The following STPG3 variants were observed in gnomAD, a reference collection of about 807,000 sequenced individuals.
STPG3 encodes the protein protein STPG3.
STPG3 carries 39 observed loss-of-function variants against 32.5 expected under a neutral mutation model. The observed-to-expected ratio is 1.20, with a 90% confidence interval of 0.93 to 1.57. STPG3 has a LOEUF of 1.57. Ranked by LOEUF, STPG3 falls within the 40% of genes most tolerant of loss-of-function variation. The pLI is 0.00. For synonymous variants in STPG3, 209 were observed against 172.4 expected (o/e 1.21, Z -1.66); for missense variants, 507 against 407.6 (o/e 1.24, Z -2.10).
intron 4 of STPG3, 43 bp from the exon 5 acceptor site, chr9:137,252,619 G>A: frequency 6.6e-7 from 1 of 1,517,498 alleles, no homozygotes; most frequent in Non-Finnish European, 8.9e-7. Context: ...GAGGGTCCGT[G>A]GGGAGCACCC....
chr9:137,251,867 C>T lies in STPG3; in HGVS notation c.240C>T (p.Pro80=), dbSNP rs1837341667. The change falls in exon 2 of 6, where the codon CCC becomes CCT. Residue 80 remains proline (P), a synonymous_variant. Transcript: ENST00000412566. ...LQTGTPQESL[P]TYTQTLRELL... Reference sequence around the variant, plus strand: ...CGGGCACCCCCCAGGAGTCCCTGCCCACCTACACCCAGACCCTGAGGGAAC... The same window carrying T: ...CGGGCACCCCCCAGGAGTCCCTGCCTACCTACACCCAGACCCTGAGGGAAC... 5.6e-6 allele frequency: 9 copies of T among 1,608,498 alleles called. No individual in the cohort carries two copies. The South Asian group carries it at 8.9e-5, about 16-fold the overall frequency.
In STPG3 at chr9:137,252,664, G is replaced by GC; in HGVS notation, c.498dup (p.Ser167LeufsTer29). 4 of 1,543,346 alleles carry GC rather than the reference G, an allele frequency of 2.6e-6. No individual in the cohort carries two copies. The highest frequency in any genetic ancestry group is 3.5e-6 in the Non-Finnish European group (4 of 1,142,254). On this transcript the variant is annotated frameshift_variant, in exon 5 of 6. Transcript: ENST00000412566. LOFTEE classifies it high-confidence loss of function. ...GCCCGTCTCCTACCCCCTCGCAGTGGCCCTCGCCAGCCCACTACCAGCTGC... is the reference window on the plus strand; with the variant it reads ...GCCCGTCTCCTACCCCCTCGCAGTGGCCCCTCGCCAGCCCACTACCAGCTGC...
intron 1 of STPG3, 138 bp from the exon 2 acceptor site, chr9:137,251,600 G>C: frequency 8.6e-7 from 1 of 1,162,642 alleles, no homozygotes; most frequent in Non-Finnish European, 1.2e-6. Context: ...CAGGGGCTGA[G>C]GGACAGTGTG....
rs1166953318 is a variant in STPG3, at chr9:137,252,876, A to G, written c.707A>G (p.Asn236Ser). The change falls in exon 5 of 6, where the codon AAT becomes AGT. Residue 236 changes from asparagine (N) to serine (S), a missense_variant. By Grantham distance (46) the Asn-to-Ser change is conservative. Coordinates refer to ENST00000412566, the MANE Select transcript of STPG3 (RefSeq NM_001004353.4). ...AGATGCCCTGGCCCCAACACCTACA[A>G]TATCCTTCCTGGGAGCCGCCTGCAG... ...GKRCPGPNTY[N>S]ILPGSRLQSP... 1.3e-6 allele frequency: 2 copies of G among 1,590,474 alleles called. No homozygotes were observed. The highest frequency in any genetic ancestry group is 2.3e-5 in the East Asian group (1 of 43,628).
At chr9:137,252,403 C>A (rs1837384722) in intron 3 of STPG3, 34 bp from the exon 4 acceptor site, 1 of 1,595,054 alleles carries the variant, frequency 6.3e-7, no homozygotes, top group Non-Finnish European at 8.5e-7. Flanking sequence ...GGGTGGGGCT[C>A]CCAGCCTTCT....
rs746026172 is a variant in STPG3, at chr9:137,251,444, A to G, written c.110+48A>G. ...AGGGGCGGGCCAGCTGGGAGTGGCC[A>G]GGGGGCTGAGGGACAGTGTGGGGGG... On this transcript the variant is annotated intron_variant, in intron 1 of 5. Coordinates refer to ENST00000412566, the MANE Select transcript of STPG3 (RefSeq NM_001004353.4). The G allele has an allele frequency of 4.4e-6, 6 of 1,351,662 alleles. No individual in the cohort carries two copies. In the Admixed American group the frequency reaches 1.1e-4, roughly 24 times the overall value. 83.7% of individuals were successfully genotyped at this position (1,351,662 alleles called of 1,614,324 possible). A position where few individuals can be genotyped will look rare whatever the true frequency, so the allele number is the denominator to read the frequency against.
Position 137,252,103 on chromosome 9 carries a change from A to G in STPG3, c.371A>G (p.His124Arg). The G allele has an allele frequency of 6.2e-7, 1 of 1,612,080 alleles. No individual in the cohort carries two copies. Among genetic ancestry groups the G allele is most frequent in the South Asian group, 1.1e-5 (1 of 91,044 alleles). Reference protein sequence around the residue: ...PSVRESSPHPHYSIGCKHQGR... With the variant: ...PSVRESSPHPRYSIGCKHQGR... ...GTACGAGAGTCCTCCCCACACCCCCACTACAGCATCGGCTGCAAGCACCAG... is the reference window on the plus strand; with the variant it reads ...GTACGAGAGTCCTCCCCACACCCCCGCTACAGCATCGGCTGCAAGCACCAG... The change falls in exon 3 of 6, where the codon CAC (histidine) becomes CGC (arginine). Residue 124 changes from histidine to arginine, a missense_variant. Physicochemically the swap from His to Arg is conservative, Grantham distance 29 (BLOSUM62 0). Coordinates refer to ENST00000412566, the MANE Select transcript of STPG3 (RefSeq NM_001004353.4).
chr9:137,252,625 C>G (rs1340998834), intron 4 of STPG3, 37 bp from the exon 5 acceptor site: 2 of 1,503,714 alleles, frequency 1.3e-6, no homozygotes, highest in East Asian at 5.0e-5. Flanking sequence ...CCGTGGGGAG[C>G]ACCCTGCCCT....
Position 137,252,138 on chromosome 9 carries a change from G to T in STPG3, c.403+3G>T, listed in dbSNP as rs201819623. On this transcript the variant is annotated splice_donor_region_variant and intron_variant, in intron 3 of 5. Transcript: ENST00000412566. ...CGGCTGCAAGCACCAGGGCCGAGGT[G>T]TGTGTCCCCTCCCTGAGGCCCAACC... 49 of 1,604,794 alleles carry T rather than the reference G, an allele frequency of 3.1e-5. No individual in the cohort carries two copies. In the East Asian group the frequency reaches 8.0e-4, roughly 26 times the overall value.
At chr9:137,252,171 C>G (rs1588878839) in intron 3 of STPG3, 36 bp downstream of exon 3, 1 of 1,584,420 alleles carries the variant, frequency 6.3e-7, no homozygotes, top group Non-Finnish European at 8.6e-7. Flanking sequence ...ACCACCGGGC[C>G]TGTCCCTCAC....
Position 137,251,362 on chromosome 9 carries a change from G to A in STPG3, c.76G>A (p.Gly26Ser), listed in dbSNP as rs745576018. Residue 26 changes from glycine to serine, a missense_variant, in exon 1 of 6, where the codon GGT (glycine) becomes AGT (serine). Physicochemically the swap from Gly to Ser is moderately conservative, Grantham distance 56. Coordinates refer to ENST00000412566, the MANE Select transcript of STPG3 (RefSeq NM_001004353.4). ...YINGGKHWTH[G>S]HLRQTQPEPT... is the part of the protein sequence containing the mutation. The stretch of plus-strand genomic sequence containing the variant: ...CAATGGAGGCAAACACTGGACCCAT[G>A]GTCACCTGAGGCAGACACAACCAGA... 26 of 1,613,312 alleles carry A rather than the reference G, an allele frequency of 1.6e-5. No homozygotes were observed. Among genetic ancestry groups the A allele is most frequent in the Non-Finnish European group, 2.1e-5 (25 of 1,179,614 alleles).
chr9:137,251,681 G>A, intron 1 of STPG3, 57 bp from the exon 2 acceptor site: 2 of 1,533,382 alleles, frequency 1.3e-6, no homozygotes, highest in Non-Finnish European at 8.8e-7. Context: ...CAGGCTGTGG[G>A]GCATGTGGCT....
At chr9:137,252,164 A>G (rs200326940) in intron 3 of STPG3, 29 bp downstream of exon 3, 16 of 1,587,852 alleles carry the variant, frequency 1.0e-5, no homozygotes, top group Non-Finnish European at 1.4e-5. Flanking sequence ...AGGCCCAACC[A>G]CCGGGCCTGT....
chr9:137,252,598 G>A, intron 4 of STPG3, 64 bp from the exon 5 acceptor site: 5 of 1,514,824 alleles, frequency 3.3e-6, no homozygotes, highest in Non-Finnish European at 2.7e-6. Context: ...GGGGCCAAAG[G>A]GGGGCTGGCT....
At position 137,252,003 on chromosome 9, in the gene STPG3, C is replaced by A. The variant is rs767586749; in HGVS notation, c.271C>A (p.Leu91Met). 1 of 1,610,584 alleles carries A rather than the reference C, an allele frequency of 6.2e-7. No individual in the cohort carries two copies. Among genetic ancestry groups the A allele is most frequent in the Non-Finnish European group, 8.5e-7 (1 of 1,178,818 alleles). ...CAGAGCTTGCTTCCTGTGGCCAGTG[C>A]TGGAGCAACGCCCCCTGATCACAGC... ...TYTQTLRELL[L>M]EQRPLITADL... is the part of the protein sequence containing the mutation. The change falls in exon 3 of 6, where the codon CTG becomes ATG. Residue 91 changes from leucine (L) to methionine (M), a missense_variant and splice_region_variant. By Grantham distance (15) the Leu-to-Met change is conservative. Coordinates refer to ENST00000412566, the MANE Select transcript of STPG3 (RefSeq NM_001004353.4).
At chr9:137,251,638 G>C (rs1411511174) in intron 1 of STPG3, 100 bp from the exon 2 acceptor site, 42 of 1,425,070 alleles carry the variant, frequency 2.9e-5, no homozygotes, top group Non-Finnish European at 4.0e-5. Context: ...ACGTGGCTGG[G>C]AGCAGCCGGG....
At position 137,253,229 on chromosome 9, in the gene STPG3, C is replaced by G. The variant is rs200714944; in HGVS notation, c.911C>G (p.Pro304Arg). 6.1e-4 allele frequency: 986 copies of G among 1,608,226 alleles called. 3 individuals are homozygous for G. The South Asian group carries it at 7.8e-3, about 13-fold the overall frequency. The change falls in exon 6 of 6, where the codon CCC (proline) becomes CGC (arginine). Residue 304 changes from proline (P) to arginine (R), a missense_variant. By Grantham distance (103) the Pro-to-Arg change is moderately radical. Transcript: ENST00000412566. ...VRRPKRHDTGPFCTL is the reference protein window; with the variant it reads ...VRRPKRHDTGRFCTL ...AGACCCAAGCGCCACGACACAGGCC[C>G]CTTCTGCACGCTCTAGAGCCAGCTG...
chr9:137,252,839 G>A lies in STPG3; in HGVS notation c.670G>A (p.Ala224Thr). The change falls in exon 5 of 6, where the codon GCA becomes ACA. Residue 224 changes from alanine (A) to threonine (T), a missense_variant. Transcript: ENST00000412566. The stretch of plus-strand genomic sequence containing the variant: ...GTCCCTGCTTCAGGCCTCTTTGCAG[G>A]CACCTGGCAAGAGATGCCCTGGCCC... Reference protein sequence around the residue: ...PQSLLQASLQAPGKRCPGPNT... With the variant: ...PQSLLQASLQTPGKRCPGPNT... The A allele has an allele frequency of 6.4e-7, 1 of 1,572,956 alleles. No homozygotes were observed. The highest frequency in any genetic ancestry group is 1.2e-5 in the South Asian group (1 of 85,866).
chr9:137,252,472 T>A lies in STPG3; in HGVS notation c.439T>A (p.Phe147Ile). The A allele has an allele frequency of 1.2e-6, 2 of 1,611,120 alleles. No individual in the cohort carries two copies. Among genetic ancestry groups the A allele is most frequent in the Non-Finnish European group, 1.7e-6 (2 of 1,178,928 alleles). The change falls in exon 4 of 6, where the codon TTC becomes ATC. Residue 147 changes from phenylalanine (F) to isoleucine (I), a missense_variant. Physicochemically the swap from Phe to Ile is conservative, Grantham distance 21. Transcript: ENST00000412566. The stretch of plus-strand genomic sequence containing the variant: ...CCGCAGGGCATGGCAGACTTTGTGG[T>A]TCCAGAGCGAAAGCCCCTTCACGCA... The part of the protein sequence containing the change: ...GGRRAWQTLW[F>I]QSESPFTQKA...
Sources: gnomAD v4.1 joint callset for allele counts on GRCh38, gnomAD v4.1.1 for gene constraint, MANE v1.5 for transcripts, NCBI Gene and HGNC (gene_info 2026-07-23, HGNC 2026-07-21) for gene names.